Variants in FABP7 observed in about 807,000 individuals in gnomAD.
FABP7 encodes the protein fatty acid binding protein 7.
A neutral mutation model predicts 14.2 loss-of-function variants in FABP7; 13 were observed. That is an observed-to-expected ratio of 0.91 (90% CI 0.59 to 1.45). The LOEUF (loss-of-function observed/expected upper bound fraction) is 1.45, where lower values mean the gene tolerates loss of function less well. Ranked by LOEUF, FABP7 falls within the 40% of genes most tolerant of loss-of-function variation. The probability of loss-of-function intolerance (pLI) is 0.00; values close to 1 mark genes in which losing one functional copy is unlikely to be tolerated. For missense variants in FABP7, 149 were observed against 157.6 expected, an observed-to-expected ratio of 0.95 and a Z score of 0.29; for synonymous variants, 49 against 51.4, an observed-to-expected ratio of 0.95 and a Z score of 0.20.
chr6:122,763,353 T>A, the FABP7 span, among the ~76,000 whole-genome samples: 1 of 152,198 alleles, frequency 6.6e-6, no homozygotes, highest in African/African-American at 2.4e-5. Flanking sequence ...AAGCTGAAAC[T>A]GGATCCCTTC....
In FABP7 at chr6:122,780,299, T is replaced by G. The variant is rs758832934; in HGVS notation, c.82T>G (p.Phe28Val). 6.2e-7 allele frequency: 1 copy of G among 1,614,080 alleles called. No individual in the cohort carries two copies. Among genetic ancestry groups the G allele is most frequent in the Non-Finnish European group, 8.5e-7 (1 of 1,180,016 alleles). ...DEYMKALGVG[F>V]ATRQVGNVTK... ...TCCCTTTGCTATTTTAGGCGTGGGC[T>G]TTGCCACTAGGCAGGTGGGAAATGT... is the stretch of plus-strand genomic sequence containing the variant. The change falls in exon 2 of 4, where the codon TTT becomes GTT. Residue 28 changes from phenylalanine to valine, a missense_variant. Transcript: ENST00000368444.
chr6:122,771,784 A>G, the FABP7 span, among the ~76,000 whole-genome samples: 1 of 152,200 alleles, frequency 6.6e-6, no homozygotes, highest in Non-Finnish European at 1.5e-5. Context: ...ATATGTTGCA[A>G]AGAGAAGAAA....
chr6:122,778,384 A>G (rs1780709472), upstream of FABP7, among the ~76,000 whole-genome samples: 1 of 152,182 alleles, frequency 6.6e-6, no homozygotes, highest in African/African-American at 2.4e-5. Context: ...TTTTTGTTAA[A>G]CAAGCGCACT....
At chr6:122,776,177 A>C (rs1308911025), upstream of FABP7, among the ~76,000 whole-genome samples, 2 of 152,196 alleles carry the variant, frequency 1.3e-5, no homozygotes, top group Admixed American at 6.5e-5. Flanking sequence ...TGCAGTGTAT[A>C]TATCCAAAAG....
At chr6:122,754,191 T>C in the FABP7 span, among the ~76,000 whole-genome samples, 15 of 152,302 alleles carry the variant, frequency 9.8e-5, no homozygotes, top group South Asian at 3.1e-3. Flanking sequence ...TAAACTTAGT[T>C]TTAAATAGGA....
the FABP7 span, among the ~76,000 whole-genome samples, chr6:122,757,044 A>G: frequency 6.6e-6 from 1 of 152,132 alleles, no homozygotes; most frequent in Non-Finnish European, 1.5e-5. Flanking sequence ...TCTATTAATA[A>G]TTTGGTCCCA....
chr6:122,776,769 C>T (rs1351363227), upstream of FABP7, among the ~76,000 whole-genome samples: 1 of 152,152 alleles, frequency 6.6e-6, no homozygotes, highest in Admixed American at 6.5e-5. Flanking sequence ...ATCCAAATAT[C>T]GTATGTACCT....
At chr6:122,781,556 AG>A in intron 3 of FABP7, 1 of 1,257,950 alleles carries the variant, frequency 7.9e-7, no homozygotes, top group Non-Finnish European at 1.0e-6. Flanking sequence ...AAATATATAA[AG>A]ATAATTGCTA....
the FABP7 span, among the ~76,000 whole-genome samples, chr6:122,760,302 T>C: frequency 2.6e-5 from 4 of 152,298 alleles, no homozygotes; most frequent in Admixed American, 2.6e-4. Flanking sequence ...AAAATGTTCC[T>C]CTTTGTCCCC....
At chr6:122,761,237 T>G in the FABP7 span, among the ~76,000 whole-genome samples, 2 of 152,174 alleles carry the variant, frequency 1.3e-5, no homozygotes, top group Admixed American at 1.3e-4. Context: ...TTAACTTGTC[T>G]GATAGGGTTT....
chr6:122,782,293 A>C (rs1780809318), intron 3 of FABP7: 1 of 769,850 alleles, frequency 1.3e-6, no homozygotes. Flanking sequence ...CAGTTCTGAA[A>C]GCTGGACGCC....
the FABP7 span, among the ~76,000 whole-genome samples, chr6:122,772,741 A>C: frequency 6.6e-6 from 1 of 152,100 alleles, no homozygotes; most frequent in African/African-American, 2.4e-5. Context: ...TCTAAAATGC[A>C]ATAAGATAAA....
In FABP7 at chr6:122,779,818, C is replaced by T. The variant is rs1019930009; in HGVS notation, c.24C>T (p.Thr8=). The T allele has an allele frequency of 9.3e-6, 15 of 1,614,170 alleles. No individual in the cohort carries two copies. The highest frequency in any genetic ancestry group is 1.2e-5 in the Non-Finnish European group (14 of 1,180,028). MVEAFCA[T]WKLTNSQNFD... Reference sequence around the variant, plus strand: ...GGATGGTGGAGGCTTTCTGTGCTACCTGGAAGCTGACCAACAGTCAGAACT... The same window carrying T: ...GGATGGTGGAGGCTTTCTGTGCTACTTGGAAGCTGACCAACAGTCAGAACT... The change falls in exon 1 of 4, where the codon ACC becomes ACT. Residue 8 remains threonine, a synonymous_variant. Transcript: ENST00000368444.
chr6:122,783,094 AC>A, intron 3 of FABP7: 1 of 985,190 alleles, frequency 1.0e-6, no homozygotes, highest in African/African-American at 1.7e-5. Flanking sequence ...GAGCACCAAA[AC>A]CCCCTAAGTT....
chr6:122,766,922 C>T, the FABP7 span, among the ~76,000 whole-genome samples: 1 of 151,808 alleles, frequency 6.6e-6, no homozygotes, highest in Non-Finnish European at 1.5e-5. Context: ...AGCAAGCAGA[C>T]TAGATATAAT....
At chr6:122,759,414 C>T in the FABP7 span, among the ~76,000 whole-genome samples, 2 of 152,086 alleles carry the variant, frequency 1.3e-5, no homozygotes, top group Non-Finnish European at 2.9e-5. Context: ...ATTTTTCTTC[C>T]TTCTTCTTTT....
At chr6:122,767,009 A>G in the FABP7 span, among the ~76,000 whole-genome samples, 1 of 152,118 alleles carries the variant, frequency 6.6e-6, no homozygotes, top group African/African-American at 2.4e-5. Flanking sequence ...CAACATTTTC[A>G]GTAGTCTCAG....
At chr6:122,781,978 A>C (rs1780800927) in intron 3 of FABP7, 1 of 782,628 alleles carries the variant, frequency 1.3e-6, no homozygotes, top group Admixed American at 6.3e-5. Context: ...TCTTGAGCTC[A>C]AAGTGATGCT....
the FABP7 span, among the ~76,000 whole-genome samples, chr6:122,760,494 A>T: frequency 1.9e-4 from 28 of 149,694 alleles, no homozygotes; most frequent in South Asian, 4.2e-4. Flanking sequence ...AAGTTCTACC[A>T]TCTTGCTCTT....
Sources: allele counts gnomAD v4.1 joint callset (sites outside exome capture counted in the v4.1 genomes callset), GRCh38; gene constraint gnomAD v4.1.1; transcripts MANE v1.5; gene names NCBI Gene and HGNC (gene_info 2026-07-23, HGNC 2026-07-21).